The following ZNF536 variants were observed in gnomAD, a reference collection of about 807,000 sequenced individuals.
ZNF536 encodes the protein zinc finger protein 536.
In ZNF536, 13 loss-of-function variants were observed where a neutral mutation model predicts 84.5. The observed-to-expected ratio is 0.15, with a 90% CI of 0.10 to 0.24. ZNF536 has a LOEUF of 0.24. ZNF536 is among the 10% of genes least tolerant of loss of function. The pLI, the probability that ZNF536 is intolerant of heterozygous loss-of-function variation, is 1.00. For synonymous variants in ZNF536, 811 were observed against 742.5 expected (o/e 1.09, Z -1.50); for missense variants, 1,536 against 1,747.5 (o/e 0.88, Z 2.16).
At position 30,270,092 on chromosome 19, in the gene ZNF536, C is replaced by CA. The variant is rs34026008; in HGVS notation, c.-189-13979dup. On this transcript the variant is annotated intron_variant, in intron 1 of 5. Transcript: ENST00000585628. ...GTCATCAGATAGGTGCACACACCCC[C>CA]ACACTCATTTGGCCACAACTGCTGG... 5.3e-5 allele frequency among the ~76,000 whole-genome samples: 8 copies of CA among 152,282 alleles called. No individual in the cohort carries two copies. In the East Asian group the frequency reaches 1.3e-3, roughly 26 times the overall value.
intron 3 of ZNF536, among the ~76,000 whole-genome samples, chr19:30,362,597 G>A (rs991903744): frequency 6.6e-6 from 1 of 152,182 alleles, no homozygotes; most frequent in Non-Finnish European, 1.5e-5. Flanking sequence ...TTTGCCTGGA[G>A]AGTTTCCTTT....
At chr19:30,559,294 A>C (rs1034443284), downstream of ZNF536, among the ~76,000 whole-genome samples, 3 of 152,208 alleles carry the variant, frequency 2.0e-5, no homozygotes, top group African/African-American at 7.2e-5. Flanking sequence ...CTAAATGCCT[A>C]GCAAAGGTAA....
At chr19:30,338,294 A>G (rs988049513) in intron 2 of ZNF536, among the ~76,000 whole-genome samples, 3 of 151,606 alleles carry the variant, frequency 2.0e-5, no homozygotes, top group Admixed American at 6.6e-5. Context: ...CAATGATAAT[A>G]TGATGATGAC....
At chr19:30,579,697 A>G (rs1318471891) in intron 1 of ZNF536, among the ~76,000 whole-genome samples, 1 of 152,170 alleles carries the variant, frequency 6.6e-6, no homozygotes, top group African/African-American at 2.4e-5. Flanking sequence ...AATGCAATCA[A>G]TCTCTTTCTG....
At chr19:30,476,462 G>T (rs1348480679) in intron 2 of ZNF536, among the ~76,000 whole-genome samples, 2 of 152,140 alleles carry the variant, frequency 1.3e-5, no homozygotes, top group African/African-American at 4.8e-5. Context: ...AATGTCACTG[G>T]GTTGTGGACA....
intron 2 of ZNF536, among the ~76,000 whole-genome samples, chr19:30,481,500 T>G (rs538962468): frequency 1.4e-4 from 22 of 152,332 alleles, no homozygotes; most frequent in Middle Eastern, 3.4e-3. Context: ...TCTGCAAGTA[T>G]TTTGAACCCT....
chr19:30,227,560 C>T (rs1426022363), upstream of ZNF536, among the ~76,000 whole-genome samples: 1 of 152,126 alleles, frequency 6.6e-6, no homozygotes, highest in Non-Finnish European at 1.5e-5. Flanking sequence ...GCAGAAAATA[C>T]GGCAGCTGCG....
At chr19:30,263,233 G>A (rs974572388) in intron 1 of ZNF536, among the ~76,000 whole-genome samples, 6 of 152,200 alleles carry the variant, frequency 3.9e-5, no homozygotes, top group Admixed American at 1.3e-4. Flanking sequence ...TGGGACTAGA[G>A]CTTCGGTTGC....
chr19:30,448,256 C>T (rs899190725), intron 2 of ZNF536, among the ~76,000 whole-genome samples: 2 of 152,234 alleles, frequency 1.3e-5, no homozygotes, highest in Non-Finnish European at 2.9e-5. Flanking sequence ...CCCGAATCAG[C>T]TGTGCGTCTG....
At chr19:30,530,993 G>C (rs1347018318) in intron 2 of ZNF536, among the ~76,000 whole-genome samples, 2 of 152,164 alleles carry the variant, frequency 1.3e-5, no homozygotes, top group Non-Finnish European at 2.9e-5. Context: ...TGCTCCCCCA[G>C]CCTTCACTGT....
intron 1 of ZNF536, among the ~76,000 whole-genome samples, chr19:30,626,811 C>G (rs977255376): frequency 2.6e-5 from 4 of 152,214 alleles, no homozygotes; most frequent in Non-Finnish European, 5.9e-5. Flanking sequence ...GATAGGGATC[C>G]CGGCCAGCGG....
intron 2 of ZNF536, among the ~76,000 whole-genome samples, chr19:30,453,502 C>T (rs566743741): frequency 6.6e-6 from 1 of 152,350 alleles, no homozygotes; most frequent in African/African-American, 2.4e-5. Flanking sequence ...TGGTCAGTGA[C>T]TGTTCCTTCC....
At chr19:30,327,971 G>C (rs115082317) in intron 2 of ZNF536, among the ~76,000 whole-genome samples, 1 of 152,208 alleles carries the variant, frequency 6.6e-6, no homozygotes, top group Non-Finnish European at 1.5e-5. Flanking sequence ...AGTGGGGACA[G>C]GTCAGACTCT....
intron 2 of ZNF536, among the ~76,000 whole-genome samples, chr19:30,524,422 CATCAGGG>C (rs2044492602): frequency 6.6e-6 from 1 of 152,208 alleles, no homozygotes; most frequent in African/African-American, 2.4e-5. Flanking sequence ...GGCCAGCGTT[CATCAGGG>C]ACTTGCCTTC....
At chr19:30,528,171 C>G (rs533745029) in intron 2 of ZNF536, among the ~76,000 whole-genome samples, 3 of 152,114 alleles carry the variant, frequency 2.0e-5, no homozygotes, top group African/African-American at 7.2e-5. Flanking sequence ...CTTACCCATG[C>G]GTGCTTGCTG....
intron 1 of ZNF536, among the ~76,000 whole-genome samples, chr19:30,627,280 A>G (rs1200235410): frequency 2.0e-5 from 3 of 151,922 alleles, no homozygotes; most frequent in Non-Finnish European, 4.4e-5. Context: ...AGCTTGGGGA[A>G]TGTAGGGAGA....
chr19:30,627,424 T>G (rs1036223652), intron 1 of ZNF536, among the ~76,000 whole-genome samples: 1 of 135,452 alleles, frequency 7.4e-6, no homozygotes, highest in Non-Finnish European at 1.5e-5. Flanking sequence ...TGAGCCATGG[T>G]TGTGACACTG....
At chr19:30,561,132 C>T (rs993069135), downstream of ZNF536, among the ~76,000 whole-genome samples, 6 of 152,322 alleles carry the variant, frequency 3.9e-5, no homozygotes, top group South Asian at 2.1e-4. Flanking sequence ...ACATAATATG[C>T]TCTCAATTAT....
chr19:30,567,697 A>G (rs1487488500), intron 1 of ZNF536, among the ~76,000 whole-genome samples: 2 of 152,168 alleles, frequency 1.3e-5, no homozygotes, highest in Non-Finnish European at 2.9e-5. Context: ...AGCGGAGGTC[A>G]GACCAGGATA....
Sources: gnomAD v4.1 joint callset for allele counts (sites outside exome capture counted in the v4.1 genomes callset) on GRCh38, gnomAD v4.1.1 for gene constraint, MANE v1.5 for transcripts, NCBI Gene and HGNC (gene_info 2026-07-23, HGNC 2026-07-21) for gene names.